Variants in SH3GL1 observed in about 807,000 individuals in gnomAD.
The protein encoded by SH3GL1 is SH3 domain containing GRB2 like 1, endophilin A2.
SH3GL1 carries 21 observed loss-of-function variants against 48.8 expected under a neutral mutation model. That is an observed-to-expected ratio of 0.43 (90% CI 0.30 to 0.62). The LOEUF (loss-of-function observed/expected upper bound fraction) is 0.62, where lower values mean the gene tolerates loss of function less well. SH3GL1 is among the 20% of genes least tolerant of loss of function. The probability of loss-of-function intolerance (pLI) is 0.11; values close to 1 mark genes in which losing one functional copy is unlikely to be tolerated. For synonymous variants in SH3GL1, 282 were observed against 217.5 expected (o/e 1.30, Z -2.61); for missense variants, 454 against 503.0 (o/e 0.90, Z 0.93).
At chr19:4,371,772 G>A (rs1411517412) in intron 1 of SH3GL1, among the ~76,000 whole-genome samples, 1 of 152,306 alleles carries the variant, frequency 6.6e-6, no homozygotes, top group Admixed American at 6.5e-5. Context: ...TCTGGCTGGT[G>A]TCTGCCTGCC....
intron 2 of SH3GL1, 139 bp downstream of exon 2, chr19:4,366,787 A>G: frequency 2.1e-6 from 2 of 965,350 alleles, no homozygotes; most frequent in African/African-American, 1.6e-5. Context: ...AGGCCCCCAC[A>G]CCACCCCATC....
Position 4,362,643 on chromosome 19 carries a change from G to A in SH3GL1, c.822C>T (p.Gly274=), listed in dbSNP as rs755879817. The A allele has an allele frequency of 6.2e-7, 1 of 1,613,770 alleles. No individual in the cohort carries two copies. The highest frequency in any genetic ancestry group is 2.2e-5 in the East Asian group (1 of 44,900). ...DLGEPEQSNG[G]FPCTTAPKIA... ...TCTTGGGGGCTGTGGTGCAGGGGAA[G>A]CCCCCGTTGGACTGCTCAGGCTCTC... Residue 274 remains glycine, a synonymous_variant, in exon 8 of 10, where the codon GGC becomes GGT. Coordinates refer to ENST00000269886, the MANE Select transcript of SH3GL1 (RefSeq NM_003025.4).
At chr19:4,364,000 C>A (rs1972701015) in intron 5 of SH3GL1, 88 bp downstream of exon 5, 1 of 1,604,192 alleles carries the variant, frequency 6.2e-7, no homozygotes, top group African/African-American at 1.3e-5. Context: ...GAGGGCAGTG[C>A]CGAGGCTGGA....
chr19:4,377,447 C>T (rs1413496139), intron 1 of SH3GL1, among the ~76,000 whole-genome samples: 1 of 152,242 alleles, frequency 6.6e-6, no homozygotes, highest in Non-Finnish European at 1.5e-5. Flanking sequence ...GGACACCAGG[C>T]TCTGGTGACA....
Position 4,365,612 on chromosome 19 carries a change from C to T in SH3GL1, c.201G>A (p.Lys67=), listed in dbSNP as rs1599593552. ...YLQPNPASRA[K]LTMLNTVSKI... ...TGGACACCGTGTTGAGCATGGTCAG[C>T]TTAGCCCGCGAGGCTGGGATAGGAT... The change falls in exon 4 of 10, where the codon AAG becomes AAA. Residue 67 remains lysine (K), a synonymous_variant. Transcript: ENST00000269886. 2 of 1,613,994 alleles carry T rather than the reference C, an allele frequency of 1.2e-6. No individual in the cohort carries two copies. Among genetic ancestry groups the T allele is most frequent in the South Asian group, 1.1e-5 (1 of 91,094 alleles).
chr19:4,375,046 C>CAG (rs1972980004), intron 1 of SH3GL1, among the ~76,000 whole-genome samples: 1 of 152,182 alleles, frequency 6.6e-6, no homozygotes, highest in African/African-American at 2.4e-5. Flanking sequence ...CAGGAGGCAG[C>CAG]AGAGCACTGA....
At chr19:4,385,824 C>T (rs967210324) in intron 1 of SH3GL1, among the ~76,000 whole-genome samples, 3 of 152,326 alleles carry the variant, frequency 2.0e-5, no homozygotes, top group Admixed American at 1.3e-4. Context: ...CAGCGGCCTC[C>T]GAGCCAGCCT....
At chr19:4,362,983 C>G (rs1972665311) in intron 7 of SH3GL1, among the ~76,000 whole-genome samples, 1 of 152,148 alleles carries the variant, frequency 6.6e-6, no homozygotes, top group Admixed American at 6.5e-5. Context: ...ACAGCATCTA[C>G]CTACAACACC....
At chr19:4,381,056 AGCCTCTCTGTCCCCCT>A (rs1973110717) in intron 1 of SH3GL1, among the ~76,000 whole-genome samples, 1 of 53,326 alleles carries the variant, frequency 1.9e-5, no homozygotes, top group African/African-American at 7.6e-5. Flanking sequence ...CTGTTCCCCC[AGCCTCTCTGTCCCCCT>A]GCCTCTCTCT....
intron 1 of SH3GL1, among the ~76,000 whole-genome samples, chr19:4,385,871 C>T (rs1274145096): frequency 1.3e-5 from 2 of 152,246 alleles, no homozygotes; most frequent in African/African-American, 2.4e-5. Flanking sequence ...GACACCCACA[C>T]TACGCTCAGC....
rs1222216869 is a variant in SH3GL1 at position 4,367,358 on chromosome 19, C to T, written c.46-364G>A. On this transcript the variant is annotated intron_variant, in intron 1 of 9. Coordinates refer to ENST00000269886, the MANE Select transcript of SH3GL1 (RefSeq NM_003025.4). This position sits in a 1 kb window ranked among gnomAD's most constrained non-coding sequence, Gnocchi z 4.2. ...AAGACACTGCTTCCAGAAGCGCCTA[C>T]ACAAACATCCCCACAGATAGCAATG... 1.3e-5 allele frequency among the ~76,000 whole-genome samples: 2 copies of T among 152,278 alleles called. No homozygotes were observed. The highest frequency in any genetic ancestry group is 1.9e-4 in the East Asian group (1 of 5,174).
chr19:4,399,753 G>C (rs557246406), intron 1 of SH3GL1, among the ~76,000 whole-genome samples: 1 of 152,190 alleles, frequency 6.6e-6, no homozygotes. Context: ...TGCTATCACA[G>C]GGTACGTGTT....
At chr19:4,373,787 G>T (rs765346745) in intron 1 of SH3GL1, among the ~76,000 whole-genome samples, 30 of 152,202 alleles carry the variant, frequency 2.0e-4, no homozygotes, top group Non-Finnish European at 3.5e-4. Context: ...GCTTCCCCAC[G>T]GCCCCCAGGC....
Position 4,364,091 on chromosome 19 carries a change from G to C in SH3GL1, c.462C>G (p.Ile154Met). ...CAGGCTGGCGCAGGAGCAGCACCTG[G>C]ATCTCCTTCAGGTCTTTCTCGCACA... ...QNLCEKDLKE[I>M]QHHLKKLEGR... The change falls in exon 5 of 10, where the codon ATC becomes ATG. Residue 154 changes from isoleucine (I) to methionine (M), a missense_variant. By Grantham distance (10) the Ile-to-Met change is conservative (BLOSUM62 1). This residue lies in a region of SH3GL1 where 176 missense variants were observed against 256.2 expected (regional missense o/e 0.69). Transcript: ENST00000269886. 6.2e-7 allele frequency: 1 copy of C among 1,612,428 alleles called. No individual in the cohort carries two copies. The highest frequency in any genetic ancestry group is 8.5e-7 in the Non-Finnish European group (1 of 1,180,032).
At chr19:4,384,446 G>GT in intron 1 of SH3GL1, among the ~76,000 whole-genome samples, 1 of 152,152 alleles carries the variant, frequency 6.6e-6, no homozygotes. Context: ...TGAACAGGTT[G>GT]TTTTTTTCCA....
intron 1 of SH3GL1, among the ~76,000 whole-genome samples, chr19:4,399,376 G>A (rs1194546249): frequency 6.8e-6 from 1 of 147,030 alleles, no homozygotes; most frequent in African/African-American, 2.5e-5. Context: ...TAGAGCAGTA[G>A]TCCTGGGGGA....
chr19:4,365,246 GA>G (rs1972748202), intron 4 of SH3GL1, among the ~76,000 whole-genome samples: 1 of 152,214 alleles, frequency 6.6e-6, no homozygotes, highest in Admixed American at 6.5e-5. Flanking sequence ...AGGCCCTGGG[GA>G]AGCAGCTGGC....
chr19:4,366,056 G>GC (rs1470309200), intron 3 of SH3GL1, among the ~76,000 whole-genome samples: 3 of 152,144 alleles, frequency 2.0e-5, no homozygotes, highest in African/African-American at 7.2e-5. Flanking sequence ...GTGTGCGTCT[G>GC]CCCCCTGTCC....
chr19:4,400,547 T>C lies in SH3GL1; in HGVS notation c.-179A>G, dbSNP rs890646344. 7.5e-5 allele frequency: 22 copies of C among 292,872 alleles called. No homozygotes were observed. Among genetic ancestry groups the C allele is most frequent in the East Asian group, 1.7e-4 (1 of 5,920 alleles). The allele number at this position is 292,872 out of a possible 1,614,324, so 18.1% of individuals were successfully genotyped here. ...TCGCGCGCCCGCGCGGCCAGGATAT[T>C]ACATGGCAACCGCACGCTTCCGGTG... On this transcript the variant is annotated 5_prime_UTR_variant, in exon 1 of 10. Coordinates refer to ENST00000269886, the MANE Select transcript of SH3GL1 (RefSeq NM_003025.4). This position sits in a 1 kb window ranked among gnomAD's most constrained non-coding sequence, Gnocchi z 4.1.
Sources: allele counts gnomAD v4.1 joint callset (sites outside exome capture counted in the v4.1 genomes callset), GRCh38; gene constraint gnomAD v4.1.1; regional missense constraint gnomAD v4.1.1; non-coding constraint Gnocchi (gnomAD v3.1); transcripts MANE v1.5; gene names NCBI Gene and HGNC (gene_info 2026-07-23, HGNC 2026-07-21).